TMTC2: variants seen among roughly 807,000 people sequenced by gnomAD.
TMTC2 encodes the protein protein O-mannosyl-transferase TMTC2.
TMTC2 carries 43 observed loss-of-function variants against 82.4 expected under a neutral mutation model. The ratio of observed to expected loss-of-function variants is 0.52; its 90% CI spans 0.41 to 0.67. TMTC2 has a LOEUF of 0.67. Among genes scored for constraint, TMTC2 ranks in the 30% least tolerant of loss-of-function variants. The probability of loss-of-function intolerance (pLI) is 0.00; values close to 1 mark genes in which losing one functional copy is unlikely to be tolerated. For synonymous variants in TMTC2, 408 were observed against 381.9 expected (o/e 1.07, Z -0.80); for missense variants, 919 against 1,012.4 (o/e 0.91, Z 1.25).
chr12:82,790,642 A>G (rs1878424737), intron 1 of TMTC2, among the ~76,000 whole-genome samples: 1 of 151,792 alleles, frequency 6.6e-6, no homozygotes, highest in Admixed American at 6.6e-5. Flanking sequence ...CAGCCTGGCC[A>G]TGGTGAAACC....
chr12:82,694,540 G>C (rs1204563842), intron 1 of TMTC2, among the ~76,000 whole-genome samples: 1 of 152,042 alleles, frequency 6.6e-6, no homozygotes, highest in Non-Finnish European at 1.5e-5. Context: ...TTCTTTGCCG[G>C]GGCATTTTGT....
chr12:82,706,029 C>T (rs1873334910), intron 1 of TMTC2, among the ~76,000 whole-genome samples: 1 of 152,080 alleles, frequency 6.6e-6, no homozygotes. Context: ...AGAGAGAAGG[C>T]TGGGTGAGGT....
intron 2 of TMTC2, among the ~76,000 whole-genome samples, chr12:82,863,535 G>A (rs78702387): frequency 3.3e-5 from 5 of 152,060 alleles, no homozygotes; most frequent in Admixed American, 6.6e-5. Flanking sequence ...AATATTTTAC[G>A]ATTCAAAAAG....
chr12:82,994,058 C>T (rs1474504418), intron 8 of TMTC2, among the ~76,000 whole-genome samples: 1 of 152,144 alleles, frequency 6.6e-6, no homozygotes, highest in Non-Finnish European at 1.5e-5. Flanking sequence ...GACCTCATTT[C>T]TCATAACATT....
In TMTC2 at chr12:83,106,092, A is replaced by G. The variant is rs149482754; in HGVS notation, c.2332-26118A>G. Among the ~76,000 whole-genome samples the G allele has an allele frequency of 5.1e-3, 782 of 152,360 alleles. 5 individuals carry two copies. The highest frequency in any genetic ancestry group is 0.018 in the African/African-American group (755 of 41,584). On this transcript the variant is annotated intron_variant, in intron 11 of 11. Coordinates refer to ENST00000321196, the MANE Select transcript of TMTC2 (RefSeq NM_152588.3). Reference sequence around the variant, plus strand: ...TAAGTCACAAATGAGAATATCAGATATATGTGAGTAAATTTCTTAGGAGGC... The same window carrying G: ...TAAGTCACAAATGAGAATATCAGATGTATGTGAGTAAATTTCTTAGGAGGC...
chr12:82,689,465 TAATG>T (rs1872485149), intron 1 of TMTC2, among the ~76,000 whole-genome samples: 1 of 152,208 alleles, frequency 6.6e-6, no homozygotes, highest in African/African-American at 2.4e-5. Context: ...CTTATTATAA[TAATG>T]CAACTTGTTA....
At chr12:83,033,848 G>GTA (rs200567670) in intron 9 of TMTC2, among the ~76,000 whole-genome samples, 145 of 148,358 alleles carry the variant, frequency 9.8e-4, no homozygotes, top group Admixed American at 8.0e-3. Flanking sequence ...ATATGTATGT[G>GTA]TATATATATA....
intron 9 of TMTC2, among the ~76,000 whole-genome samples, chr12:83,035,220 G>A (rs138434583): frequency 1.3e-5 from 2 of 152,250 alleles, no homozygotes; most frequent in Non-Finnish European, 2.9e-5. Context: ...TGATTAGAAG[G>A]CAATATTTTA....
intron 1 of TMTC2, among the ~76,000 whole-genome samples, chr12:82,806,751 A>G (rs923545873): frequency 3.3e-5 from 5 of 152,188 alleles, no homozygotes; most frequent in African/African-American, 1.2e-4. Context: ...GTGGATCGTT[A>G]TAAAAGTCTC....
intron 11 of TMTC2, among the ~76,000 whole-genome samples, chr12:83,107,771 A>AG (rs1555213294): frequency 6.6e-6 from 1 of 151,968 alleles, no homozygotes; most frequent in Non-Finnish European, 1.5e-5. Flanking sequence ...CATCCTTATG[A>AG]CCCCCCGTGC....
intron 10 of TMTC2, among the ~76,000 whole-genome samples, chr12:83,055,794 C>T (rs1367021417): frequency 6.6e-6 from 1 of 151,718 alleles, no homozygotes; most frequent in Non-Finnish European, 1.5e-5. Context: ...GTTCAAACAT[C>T]TTCTGTCTGC....
chr12:83,034,315 A>G (rs1283648930), intron 9 of TMTC2, among the ~76,000 whole-genome samples: 1 of 152,194 alleles, frequency 6.6e-6, no homozygotes, highest in African/African-American at 2.4e-5. Flanking sequence ...ATACAGAAGA[A>G]AGAGAAAGTT....
chr12:83,081,461 T>A (rs777976195), intron 11 of TMTC2, among the ~76,000 whole-genome samples: 25 of 152,208 alleles, frequency 1.6e-4, no homozygotes, highest in Non-Finnish European at 5.9e-5. Context: ...CTCACTTGCC[T>A]GGCCGTTTGT....
intron 1 of TMTC2, among the ~76,000 whole-genome samples, chr12:82,698,018 A>C (rs955660190): frequency 1.3e-5 from 2 of 152,198 alleles, no homozygotes; most frequent in Admixed American, 1.3e-4. Flanking sequence ...GATGCTCTTC[A>C]GTGAAGGTAT....
chr12:82,741,258 T>C (rs1031723491), intron 1 of TMTC2, among the ~76,000 whole-genome samples: 3 of 152,166 alleles, frequency 2.0e-5, no homozygotes, highest in Admixed American at 6.5e-5. Flanking sequence ...TTTTTTGTTG[T>C]TGTTGTTAAA....
chr12:82,798,633 C>A (rs1210502174), intron 1 of TMTC2, among the ~76,000 whole-genome samples: 1 of 151,022 alleles, frequency 6.6e-6, no homozygotes, highest in African/African-American at 2.4e-5. Flanking sequence ...GTGGTGAAAC[C>A]CTGTCTCTAC....
chr12:82,935,125 TA>T (rs1032043278), intron 4 of TMTC2, among the ~76,000 whole-genome samples: 1 of 151,854 alleles, frequency 6.6e-6, no homozygotes, highest in Non-Finnish European at 1.5e-5. Flanking sequence ...AGAATTTTGG[TA>T]AAAAAAATAT....
chr12:83,031,600 G>T (rs138497257), intron 9 of TMTC2, among the ~76,000 whole-genome samples: 3 of 152,248 alleles, frequency 2.0e-5, no homozygotes, highest in African/African-American at 7.2e-5. Context: ...TGATCCCTTG[G>T]GGGGAAAATG....
At chr12:82,776,629 A>C (rs1004120694) in intron 1 of TMTC2, among the ~76,000 whole-genome samples, 2 of 151,640 alleles carry the variant, frequency 1.3e-5, no homozygotes. Context: ...AAAAAAAAAA[A>C]AAAAAAGAAT....
Sources: allele counts gnomAD v4.1 joint callset (sites outside exome capture counted in the v4.1 genomes callset), GRCh38; gene constraint gnomAD v4.1.1; transcripts MANE v1.5; gene names NCBI Gene and HGNC (gene_info 2026-07-23, HGNC 2026-07-21).